NLGN1: variants seen among roughly 807,000 people sequenced by gnomAD.
NLGN1 encodes the protein neuroligin-1.
Under a neutral mutation model 65.5 loss-of-function variants are expected in NLGN1, and 12 were observed. The observed-to-expected ratio is 0.18, with a 90% confidence interval of 0.12 to 0.30. NLGN1 has a LOEUF of 0.30. Among genes scored for constraint, NLGN1 ranks in the 10% least tolerant of loss-of-function variants. The probability of loss-of-function intolerance (pLI) is 1.00; values close to 1 mark genes in which losing one functional copy is unlikely to be tolerated. For missense variants in NLGN1, 750 were observed against 1,007.1 expected (o/e 0.74, Z 3.46); for synonymous variants, 350 against 359.5 (o/e 0.97, Z 0.30).
chr3:174,182,137 C>G (rs1400273200), intron 4 of NLGN1, among the ~76,000 whole-genome samples: 1 of 152,044 alleles, frequency 6.6e-6, no homozygotes, highest in Non-Finnish European at 1.5e-5. Context: ...CAGAGCCTAC[C>G]AATCTTTTTT....
chr3:173,730,320 G>GCCCC (rs1440876299), intron 3 of NLGN1, among the ~76,000 whole-genome samples: 16 of 27,666 alleles, frequency 5.8e-4, no homozygotes, highest in Non-Finnish European at 1.1e-3. Context: ...CTGCCCCACC[G>GCCCC]CTCCCCCCCC....
chr3:174,160,333 A>G (rs1427243891), intron 4 of NLGN1, among the ~76,000 whole-genome samples: 1 of 151,682 alleles, frequency 6.6e-6, no homozygotes, highest in Non-Finnish European at 1.5e-5. Context: ...CCTCTCTCCT[A>G]AATACATCAG....
At chr3:174,203,943 C>A (rs2152779311) in intron 4 of NLGN1, among the ~76,000 whole-genome samples, 1 of 152,156 alleles carries the variant, frequency 6.6e-6, no homozygotes, top group African/African-American at 2.4e-5. Context: ...CTATTGGAGT[C>A]ATTATTTTAA....
At chr3:173,870,765 A>G (rs1274508848) in intron 4 of NLGN1, among the ~76,000 whole-genome samples, 1 of 152,232 alleles carries the variant, frequency 6.6e-6, no homozygotes, top group Non-Finnish European at 1.5e-5. Context: ...TGATCGAATG[A>G]AAAATACCTG....
At chr3:174,196,055 A>T (rs1370020356) in intron 4 of NLGN1, among the ~76,000 whole-genome samples, 1 of 152,200 alleles carries the variant, frequency 6.6e-6, no homozygotes, top group Non-Finnish European at 1.5e-5. Flanking sequence ...AGGTAAGCCT[A>T]TAGTCTTAGA....
intron 3 of NLGN1, among the ~76,000 whole-genome samples, chr3:173,735,339 GA>G (rs1773573187): frequency 6.6e-6 from 1 of 152,050 alleles, no homozygotes; most frequent in South Asian, 2.1e-4. Flanking sequence ...TGGAACTACT[GA>G]AACACTTTTA....
At chr3:173,710,301 G>A (rs1290122355) in intron 3 of NLGN1, among the ~76,000 whole-genome samples, 1 of 151,976 alleles carries the variant, frequency 6.6e-6, no homozygotes, top group Non-Finnish European at 1.5e-5. Context: ...CACTACTGCC[G>A]TGTTTAACAT....
rs373776502 is a variant in NLGN1, at chr3:174,275,535, G to A, written c.859+8G>A. The A allele has an allele frequency of 2.4e-5, 39 of 1,606,416 alleles. No homozygotes were observed. In the Middle Eastern group the frequency reaches 8.3e-4, roughly 34 times the overall value. On this transcript the variant is annotated splice_region_variant and intron_variant, in intron 5 of 6. Transcript: ENST00000457714. ...GGAGCAATTCAACCAAAGGTATTATGCAAGGTTGCAAATTTTGACAATTTT... is the reference window on the plus strand; with the variant it reads ...GGAGCAATTCAACCAAAGGTATTATACAAGGTTGCAAATTTTGACAATTTT...
chr3:174,222,183 AT>A (rs1738795477), intron 4 of NLGN1, among the ~76,000 whole-genome samples: 1 of 152,124 alleles, frequency 6.6e-6, no homozygotes, highest in African/African-American at 2.4e-5. Context: ...TTAATGAGTT[AT>A]TGCGTGTATA....
intron 3 of NLGN1, among the ~76,000 whole-genome samples, chr3:173,742,474 C>T (rs776437503): frequency 1.3e-4 from 20 of 152,180 alleles, no homozygotes; most frequent in Non-Finnish European, 2.8e-4. Flanking sequence ...AATGTCTCAA[C>T]CTTTATTATG....
intron 4 of NLGN1, among the ~76,000 whole-genome samples, chr3:173,938,609 C>T (rs1283329625): frequency 6.6e-6 from 1 of 152,160 alleles, no homozygotes; most frequent in African/African-American, 2.4e-5. Context: ...GGAAAAACTT[C>T]TAAGCATACT....
At chr3:174,089,611 G>C (rs1465505718) in intron 4 of NLGN1, among the ~76,000 whole-genome samples, 1 of 152,070 alleles carries the variant, frequency 6.6e-6, no homozygotes, top group Non-Finnish European at 1.5e-5. Flanking sequence ...TACAGTAAAA[G>C]GGACCTCTAC....
chr3:173,828,416 T>G (rs1721795572), intron 4 of NLGN1, among the ~76,000 whole-genome samples: 1 of 152,080 alleles, frequency 6.6e-6, no homozygotes, highest in Admixed American at 6.6e-5. Context: ...AAGTGGGAGC[T>G]GTCCCAGGAT....
intron 2 of NLGN1, among the ~76,000 whole-genome samples, chr3:173,504,874 C>T (rs542231804): frequency 2.6e-5 from 4 of 152,082 alleles, no homozygotes; most frequent in Non-Finnish European, 4.4e-5. Context: ...AAGTCTATTT[C>T]GTGTTGGACT....
At chr3:174,220,890 A>G (rs745744172) in intron 4 of NLGN1, among the ~76,000 whole-genome samples, 6 of 152,314 alleles carry the variant, frequency 3.9e-5, no homozygotes, top group Admixed American at 6.5e-5. Context: ...CACAAAAGGA[A>G]TTCTATGGCA....
chr3:173,670,835 G>A (rs1762349219), intron 3 of NLGN1, among the ~76,000 whole-genome samples: 2 of 151,778 alleles, frequency 1.3e-5, no homozygotes, highest in Middle Eastern at 3.2e-3. Flanking sequence ...AAAGTTCTTA[G>A]CATAAAAAAT....
intron 4 of NLGN1, among the ~76,000 whole-genome samples, chr3:174,176,485 G>A (rs16857409): frequency 0.18 from 27,611 of 151,830 alleles, 3,105 homozygotes; most frequent in East Asian, 0.61. Flanking sequence ...TTTTCTGCAG[G>A]CCATCAGTGG....
At chr3:173,867,310 G>C (rs562122942) in intron 4 of NLGN1, among the ~76,000 whole-genome samples, 1 of 152,164 alleles carries the variant, frequency 6.6e-6, no homozygotes, top group African/African-American at 2.4e-5. Context: ...CCTATAGCTT[G>C]ATTTTATACT....
intron 3 of NLGN1, among the ~76,000 whole-genome samples, chr3:173,669,590 C>T (rs1553122): frequency 0.41 from 62,225 of 151,980 alleles, 13,678 homozygotes; most frequent in African/African-American, 0.59. Context: ...CATCTTAATT[C>T]AACTAGTTAC....
Sources: allele counts gnomAD v4.1 joint callset (sites outside exome capture counted in the v4.1 genomes callset), GRCh38; gene constraint gnomAD v4.1.1; transcripts MANE v1.5; gene names NCBI Gene and HGNC (gene_info 2026-07-23, HGNC 2026-07-21).